Variants in TASP1 observed in about 807,000 individuals in gnomAD.
TASP1 encodes taspase 1.
TASP1 carries 16 observed loss-of-function variants against 56.6 expected under a neutral mutation model. The observed-to-expected ratio is 0.28, with a 90% CI of 0.19 to 0.43. The LOEUF (loss-of-function observed/expected upper bound fraction) is 0.43, where lower values mean the gene tolerates loss of function less well. TASP1 is among the 20% of genes least tolerant of loss of function. The pLI, the probability that TASP1 is intolerant of heterozygous loss-of-function variation, is 1.00. For missense variants in TASP1, 393 were observed against 511.6 expected, an observed-to-expected ratio of 0.77 and a Z score of 2.24; for synonymous variants, 179 against 184.2, an observed-to-expected ratio of 0.97 and a Z score of 0.23.
chr20:13,406,742 C>G (rs2041938702), intron 13 of TASP1, among the ~76,000 whole-genome samples: 1 of 148,908 alleles, frequency 6.7e-6, no homozygotes, highest in Non-Finnish European at 1.5e-5. Flanking sequence ...TCTCTGCTCA[C>G]TACAAGCTCT....
At chr20:13,383,831 A>G in the TASP1 span, among the ~76,000 whole-genome samples, 1 of 152,258 alleles carries the variant, frequency 6.6e-6, no homozygotes, top group African/African-American at 2.4e-5. Flanking sequence ...ATTGTGGGCA[A>G]ATAAAACAGT....
intron 7 of TASP1, among the ~76,000 whole-genome samples, chr20:13,568,967 T>C (rs563041089): frequency 1.3e-5 from 2 of 152,280 alleles, no homozygotes; most frequent in Non-Finnish European, 2.9e-5. Flanking sequence ...TACTTAGGAC[T>C]TTTGATCATT....
At chr20:13,436,201 G>A (rs979546483) in intron 11 of TASP1, among the ~76,000 whole-genome samples, 2 of 152,104 alleles carry the variant, frequency 1.3e-5, no homozygotes, top group Non-Finnish European at 2.9e-5. Flanking sequence ...GAAATTGTAG[G>A]CTTCAAGATC....
intron 7 of TASP1, among the ~76,000 whole-genome samples, chr20:13,562,915 AT>A (rs2046391837): frequency 1.6e-5 from 2 of 128,680 alleles, no homozygotes; most frequent in Non-Finnish European, 3.2e-5. Context: ...ACATATATAT[AT>A]GTGTGTGTGT....
chr20:13,502,572 A>C (rs1280021179), intron 10 of TASP1, among the ~76,000 whole-genome samples: 1 of 152,190 alleles, frequency 6.6e-6, no homozygotes, highest in Non-Finnish European at 1.5e-5. Flanking sequence ...GCTTAAAGCA[A>C]GGGAATGATA....
the TASP1 span, among the ~76,000 whole-genome samples, chr20:13,358,965 C>T: frequency 6.6e-6 from 1 of 150,952 alleles, no homozygotes; most frequent in Admixed American, 6.6e-5. Flanking sequence ...TGTCTCTACC[C>T]CTTCTCTGCT....
the TASP1 span, among the ~76,000 whole-genome samples, chr20:13,133,691 G>A: frequency 6.6e-6 from 1 of 152,216 alleles, no homozygotes; most frequent in African/African-American, 2.4e-5. Context: ...CTGAGTTAAG[G>A]GGTAGCACCA....
At chr20:13,508,673 A>G (rs1446761229) in intron 10 of TASP1, among the ~76,000 whole-genome samples, 1 of 152,196 alleles carries the variant, frequency 6.6e-6, no homozygotes, top group Non-Finnish European at 1.5e-5. Context: ...TTTATAATGG[A>G]CAAAGGACAT....
At chr20:13,270,884 A>C in the TASP1 span, 6 of 770,390 alleles carry the variant, frequency 7.8e-6, no homozygotes, top group East Asian at 2.7e-5. Flanking sequence ...TGTTATCTCC[A>C]TAAGAACAGT....
chr20:13,303,514 G>T, the TASP1 span, among the ~76,000 whole-genome samples: 190 of 152,326 alleles, frequency 1.2e-3, 1 homozygote, highest in Non-Finnish European at 2.4e-3. Context: ...GTTAGGTAGA[G>T]CTCAGGGGCA....
the TASP1 span, among the ~76,000 whole-genome samples, chr20:13,238,484 G>A: frequency 5.9e-5 from 9 of 152,118 alleles, no homozygotes; most frequent in African/African-American, 9.6e-5. Flanking sequence ...CTCCTGGATC[G>A]ATTATACATA....
the TASP1 span, among the ~76,000 whole-genome samples, chr20:13,187,553 T>C: frequency 6.6e-6 from 1 of 151,460 alleles, no homozygotes; most frequent in Non-Finnish European, 1.5e-5. Context: ...ATCAAGACCA[T>C]CCTGGCCAAT....
At chr20:13,585,978 T>A (rs1179749065) in intron 5 of TASP1, among the ~76,000 whole-genome samples, 1 of 151,738 alleles carries the variant, frequency 6.6e-6, no homozygotes, top group Admixed American at 6.6e-5. Context: ...CTACTAAAAA[T>A]GCAAAAATTA....
At chr20:13,362,839 T>TATATATATATATATATATATA in the TASP1 span, among the ~76,000 whole-genome samples, 1 of 64,756 alleles carries the variant, frequency 1.5e-5, no homozygotes, top group Non-Finnish European at 3.8e-5. Context: ...ATATATATAT[T>TATATATATATATATATATATA]TGTCTCTCCC....
the TASP1 span, among the ~76,000 whole-genome samples, chr20:13,312,205 C>A: frequency 6.6e-6 from 1 of 152,100 alleles, no homozygotes; most frequent in South Asian, 2.1e-4. Flanking sequence ...GTAAGCAAAA[C>A]TAAAAGGGAA....
the TASP1 span, among the ~76,000 whole-genome samples, chr20:13,161,160 T>A: frequency 1.3e-5 from 2 of 152,210 alleles, no homozygotes; most frequent in Admixed American, 1.3e-4. Flanking sequence ...AATGATTGGA[T>A]GTGGTGCATA....
Position 13,534,119 on chromosome 20 carries a change from T to C in TASP1, c.698A>G (p.Asp233Gly). ...GTCCACAACCACAGCGCCTACCGTGTCCAAAGTGCCTGAGTCATTTTCCTG... is the reference window on the plus strand; with the variant it reads ...GTCCACAACCACAGCGCCTACCGTGCCCAAAGTGCCTGAGTCATTTTCCTG... ...SEKENDSGTL[D>G]TVGAVVVDHE... The change falls in exon 9 of 14, where the codon GAC (aspartate) becomes GGC (glycine). Residue 233 changes from aspartate to glycine, a missense_variant. By Grantham distance (94) the Asp-to-Gly change is moderately conservative (BLOSUM62 -1). Around this residue, in one of 3 missense-constraint regions of TASP1, gnomAD observed 293 missense variants for 354.2 expected, o/e 0.83. Transcript: ENST00000337743. 1 of 1,613,602 alleles carries C rather than the reference T, an allele frequency of 6.2e-7. No individual in the cohort carries two copies. The highest frequency in any genetic ancestry group is 8.5e-7 in the Non-Finnish European group (1 of 1,179,674).
At chr20:13,231,197 CA>C in the TASP1 span, among the ~76,000 whole-genome samples, 1 of 152,142 alleles carries the variant, frequency 6.6e-6, no homozygotes, top group Non-Finnish European at 1.5e-5. Context: ...AGGAAGTCTC[CA>C]GAAGGGTAAC....
intron 11 of TASP1, among the ~76,000 whole-genome samples, chr20:13,477,404 A>G (rs1268864242): frequency 1.3e-5 from 2 of 152,166 alleles, no homozygotes; most frequent in Non-Finnish European, 2.9e-5. Flanking sequence ...AAAGAAAAAA[A>G]AGAAGTCATT....
Sources: gnomAD v4.1 joint callset for allele counts (sites outside exome capture counted in the v4.1 genomes callset) on GRCh38, gnomAD v4.1.1 for gene constraint, gnomAD v4.1.1 regional missense constraint, MANE v1.5 for transcripts, NCBI Gene and HGNC (gene_info 2026-07-23, HGNC 2026-07-21) for gene names.